PTPRN2: variants seen among roughly 807,000 people sequenced by gnomAD.
PTPRN2 encodes the protein protein tyrosine phosphatase receptor type N2, also known as receptor-type tyrosine-protein phosphatase N2.
Under a neutral mutation model 118.8 loss-of-function variants are expected in PTPRN2, and 74 were observed. The observed-to-expected ratio is 0.62, with a 90% CI of 0.52 to 0.76. The LOEUF (loss-of-function observed/expected upper bound fraction) is 0.76, where lower values mean the gene tolerates loss of function less well. Among genes scored for constraint, PTPRN2 ranks in the 30% least tolerant of loss-of-function variants. The probability of loss-of-function intolerance (pLI) is 0.00; values close to 1 mark genes in which losing one functional copy is unlikely to be tolerated. For missense variants in PTPRN2, 1,481 were observed against 1,394.4 expected (o/e 1.06, Z -0.99); for synonymous variants, 641 against 608.0 (o/e 1.05, Z -0.80).
At chr7:158,001,688 C>T (rs868003912) in intron 11 of PTPRN2, among the ~76,000 whole-genome samples, 2 of 152,208 alleles carry the variant, frequency 1.3e-5, no homozygotes, top group Non-Finnish European at 1.5e-5. Flanking sequence ...GATGCCAACT[C>T]CCAATCCGTG....
chr7:157,736,833 A>T (rs1269418141), intron 12 of PTPRN2, among the ~76,000 whole-genome samples: 1 of 152,214 alleles, frequency 6.6e-6, no homozygotes, highest in East Asian at 1.9e-4. Flanking sequence ...AAATCAGAGG[A>T]GGTACAATCC....
chr7:157,693,173 C>G (rs1358811697), intron 12 of PTPRN2, among the ~76,000 whole-genome samples: 1 of 151,880 alleles, frequency 6.6e-6, no homozygotes, highest in Non-Finnish European at 1.5e-5. Context: ...GGAGGGGGCT[C>G]GGAGGAGGGG....
At chr7:158,177,745 GA>G (rs1824344904) in intron 5 of PTPRN2, among the ~76,000 whole-genome samples, 1 of 152,146 alleles carries the variant, frequency 6.6e-6, no homozygotes, top group Non-Finnish European at 1.5e-5. Flanking sequence ...CCATTTTGTG[GA>G]TCAAACAAAA....
chr7:158,469,121 G>GCACAC (rs1234125053), intron 2 of PTPRN2, among the ~76,000 whole-genome samples: 29 of 70,192 alleles, frequency 4.1e-4, no homozygotes, highest in South Asian at 1.7e-3. Context: ...GATCAACAGT[G>GCACAC]TCAGGCTTTC....
intron 3 of PTPRN2, among the ~76,000 whole-genome samples, chr7:158,211,551 G>C (rs1266522858): frequency 1.3e-5 from 2 of 152,138 alleles, no homozygotes; most frequent in African/African-American, 4.8e-5. Context: ...TGGGCAAATA[G>C]ATATAACTCT....
intron 2 of PTPRN2, among the ~76,000 whole-genome samples, chr7:158,350,302 C>T (rs774680131): frequency 6.6e-5 from 10 of 152,252 alleles, no homozygotes; most frequent in African/African-American, 2.4e-4. Flanking sequence ...CTGAAACAGG[C>T]GGCTCTTTCC....
chr7:157,821,723 G>C (rs1806852364), intron 12 of PTPRN2, among the ~76,000 whole-genome samples: 1 of 152,184 alleles, frequency 6.6e-6, no homozygotes, highest in Non-Finnish European at 1.5e-5. Flanking sequence ...AGAGGCAGTG[G>C]CTGAGGTAGA....
At chr7:157,730,471 C>A (rs900809359) in intron 12 of PTPRN2, among the ~76,000 whole-genome samples, 1 of 152,220 alleles carries the variant, frequency 6.6e-6, no homozygotes, top group Non-Finnish European at 1.5e-5. Context: ...AGAGGTCGCA[C>A]GCCTGGCCGA....
At chr7:158,363,302 C>G (rs527961603) in intron 2 of PTPRN2, among the ~76,000 whole-genome samples, 1 of 152,108 alleles carries the variant, frequency 6.6e-6, no homozygotes, top group East Asian at 1.9e-4. Flanking sequence ...CTCAGGTGCT[C>G]GCAGAGGCCC....
intron 6 of PTPRN2, among the ~76,000 whole-genome samples, chr7:158,162,087 A>C (rs901634434): frequency 6.6e-6 from 1 of 152,160 alleles, no homozygotes; most frequent in African/African-American, 2.4e-5. Context: ...GACAACACCC[A>C]ATGCAGGCGA....
At chr7:158,467,835 G>A (rs1027896420) in intron 2 of PTPRN2, among the ~76,000 whole-genome samples, 7 of 152,092 alleles carry the variant, frequency 4.6e-5, no homozygotes, top group Admixed American at 3.3e-4. Context: ...GGGTAATTCT[G>A]CTGCCAAAGA....
At chr7:157,693,527 T>C (rs1314294089) in intron 12 of PTPRN2, among the ~76,000 whole-genome samples, 2 of 151,988 alleles carry the variant, frequency 1.3e-5, no homozygotes, top group African/African-American at 2.4e-5. Context: ...CGCAGGGCCT[T>C]GGGGCACCGG....
chr7:158,353,742 GC>G, intron 2 of PTPRN2, among the ~76,000 whole-genome samples: 1 of 152,266 alleles, frequency 6.6e-6, no homozygotes, highest in South Asian at 2.1e-4. Context: ...CCCATAACCT[GC>G]CTGGCATCCA....
chr7:157,972,898 T>C (rs13311810), intron 11 of PTPRN2, among the ~76,000 whole-genome samples: 1 of 74,212 alleles, frequency 1.3e-5, no homozygotes, highest in African/African-American at 5.6e-5. Flanking sequence ...GAGACCAGAG[T>C]AACTCCACAC....
At chr7:157,623,494 C>T (rs931454031) in intron 14 of PTPRN2, among the ~76,000 whole-genome samples, 5 of 152,176 alleles carry the variant, frequency 3.3e-5, no homozygotes, top group Non-Finnish European at 7.3e-5. Context: ...AATGATGAAC[C>T]CTAGCAGGTT....
chr7:158,434,829 C>T (rs1015707456), intron 2 of PTPRN2, among the ~76,000 whole-genome samples: 11 of 152,118 alleles, frequency 7.2e-5, no homozygotes, highest in East Asian at 5.8e-4. Flanking sequence ...AATAATAACA[C>T]GGGACCTTGA....
In PTPRN2 at chr7:157,595,497, T is replaced by A. The variant is rs140050074; in HGVS notation, c.2419-182A>T. On this transcript the variant is annotated intron_variant, in intron 16 of 22. Coordinates refer to ENST00000389418, the MANE Select transcript of PTPRN2 (RefSeq NM_002847.5). Reference sequence around the variant, plus strand: ...GAAGCCAGGAGGTTAGGAAGCCTGGTGTTTAGGAAGCCCGGAGGTTAGGAA... The same window carrying A: ...GAAGCCAGGAGGTTAGGAAGCCTGGAGTTTAGGAAGCCCGGAGGTTAGGAA... Among the ~76,000 whole-genome samples the A allele has an allele frequency of 0.068, 6,412 of 94,888 alleles. 304 individuals are homozygous for A. Among genetic ancestry groups the A allele is most frequent in the East Asian group, 0.17 (685 of 4,130 alleles). The allele number at this position is 94,888 out of a possible 152,430, so 62.3% of individuals were successfully genotyped here. A position where few individuals can be genotyped will look rare whatever the true frequency, so the allele number is the denominator to read the frequency against.
At chr7:158,503,865 G>A (rs1476017258) in intron 1 of PTPRN2, among the ~76,000 whole-genome samples, 1 of 152,080 alleles carries the variant, frequency 6.6e-6, no homozygotes, top group East Asian at 1.9e-4. Context: ...GCCAGGCGTG[G>A]TGGTGTGTGC....
intron 12 of PTPRN2, among the ~76,000 whole-genome samples, chr7:157,719,962 A>G (rs555435783): frequency 1.3e-5 from 2 of 152,190 alleles, no homozygotes; most frequent in East Asian, 3.9e-4. Context: ...GGGGTCATAC[A>G]GATAAATAAG....
Sources: allele counts gnomAD v4.1 joint callset (sites outside exome capture counted in the v4.1 genomes callset), GRCh38; gene constraint gnomAD v4.1.1; transcripts MANE v1.5; gene names NCBI Gene and HGNC (gene_info 2026-07-23, HGNC 2026-07-21).